CADM1: variants seen among roughly 807,000 people sequenced by gnomAD.
CADM1 encodes the protein TSLC-1.
A neutral mutation model predicts 53.1 loss-of-function variants in CADM1; 15 were observed. The observed-to-expected ratio is 0.28, with a 90% CI of 0.19 to 0.44. CADM1 has a LOEUF of 0.44. Among genes scored for constraint, CADM1 ranks in the 20% least tolerant of loss-of-function variants. The probability of loss-of-function intolerance (pLI) is 1.00; values close to 1 mark genes in which losing one functional copy is unlikely to be tolerated. For synonymous variants in CADM1, 281 were observed against 243.0 expected, an observed-to-expected ratio of 1.16 and a Z score of -1.45; for missense variants, 434 against 611.3, an observed-to-expected ratio of 0.71 and a Z score of 3.06.
intron 10 of CADM1, among the ~76,000 whole-genome samples, chr11:115,180,818 C>T (rs1318640303): frequency 6.6e-6 from 1 of 151,980 alleles, no homozygotes; most frequent in African/African-American, 2.4e-5. Flanking sequence ...GTTGTGTTTT[C>T]CTTAGGGAGC....
At chr11:115,421,334 T>C (rs1947750685) in intron 1 of CADM1, among the ~76,000 whole-genome samples, 2 of 152,220 alleles carry the variant, frequency 1.3e-5, no homozygotes, top group African/African-American at 4.8e-5. Flanking sequence ...AATGATTCTT[T>C]TGCTTACAAC....
At chr11:115,298,901 A>C (rs1944147615) in intron 1 of CADM1, among the ~76,000 whole-genome samples, 2 of 152,110 alleles carry the variant, frequency 1.3e-5, no homozygotes, top group Admixed American at 1.3e-4. Flanking sequence ...CCACCACTTG[A>C]AATCTCAATA....
At chr11:115,274,826 A>T (rs947752153) in intron 1 of CADM1, among the ~76,000 whole-genome samples, 1 of 152,136 alleles carries the variant, frequency 6.6e-6, no homozygotes, top group African/African-American at 2.4e-5. Flanking sequence ...AGAAGTTCAG[A>T]TCTTGTGTCT....
At chr11:115,203,560 A>G (rs1940538820) in intron 8 of CADM1, among the ~76,000 whole-genome samples, 1 of 152,188 alleles carries the variant, frequency 6.6e-6, no homozygotes, top group Non-Finnish European at 1.5e-5. Flanking sequence ...TAATTCTGGG[A>G]AACCTGTATT....
chr11:115,235,871 A>G (rs1941992474), intron 3 of CADM1, among the ~76,000 whole-genome samples: 1 of 152,214 alleles, frequency 6.6e-6, no homozygotes, highest in African/African-American at 2.4e-5. Context: ...CCTCTTATGA[A>G]TAGTAGTATA....
At chr11:115,206,758 C>CGTTTTTTTTTTTTTTTTTTTTTT (rs1940705764) in intron 8 of CADM1, among the ~76,000 whole-genome samples, 1 of 38,206 alleles carries the variant, frequency 2.6e-5, no homozygotes, top group South Asian at 1.7e-3. Context: ...CTGTGGACTT[C>CGTTTTTTTTTTTTTTTTTTTTTT]TTTTTTTTTT....
chr11:115,411,716 G>T (rs1450350715), intron 1 of CADM1, among the ~76,000 whole-genome samples: 11 of 151,698 alleles, frequency 7.3e-5, no homozygotes, highest in Admixed American at 6.6e-4. Flanking sequence ...GCCCAGGTTG[G>T]AGTGCAATGG....
At chr11:115,203,242 A>C (rs1940520730) in intron 8 of CADM1, among the ~76,000 whole-genome samples, 1 of 152,198 alleles carries the variant, frequency 6.6e-6, no homozygotes, top group South Asian at 2.1e-4. Context: ...TTCATTTGCA[A>C]ACCAGATGTT....
chr11:115,202,329 T>C (rs1008587191), intron 8 of CADM1, among the ~76,000 whole-genome samples: 10 of 152,210 alleles, frequency 6.6e-5, no homozygotes, highest in Admixed American at 2.0e-4. Flanking sequence ...TGTGACAGAC[T>C]GGGGGTTTAA....
At chr11:115,253,066 G>A (rs917552982) in intron 1 of CADM1, among the ~76,000 whole-genome samples, 3 of 152,128 alleles carry the variant, frequency 2.0e-5, no homozygotes, top group African/African-American at 7.2e-5. Context: ...CACTAACACT[G>A]ATGACCCCTG....
intron 1 of CADM1, among the ~76,000 whole-genome samples, chr11:115,365,438 T>G (rs538272534): frequency 6.6e-6 from 1 of 152,258 alleles, no homozygotes; most frequent in African/African-American, 2.4e-5. Context: ...CATGCCAATT[T>G]AGAGAGACAG....
chr11:115,464,013 A>T (rs889923202), intron 1 of CADM1, among the ~76,000 whole-genome samples: 1 of 152,208 alleles, frequency 6.6e-6, no homozygotes, highest in Non-Finnish European at 1.5e-5. Flanking sequence ...AGTCCCTGAG[A>T]TGAAACATCT....
chr11:115,264,478 G>GA (rs1333038072), intron 1 of CADM1, among the ~76,000 whole-genome samples: 1 of 152,152 alleles, frequency 6.6e-6, no homozygotes, highest in Non-Finnish European at 1.5e-5. Context: ...AGCAACCAAG[G>GA]ACAGGTGTAC....
rs1482625785 is a variant in CADM1, at chr11:115,172,243, G to C, written c.*4231C>G. Reference sequence around the variant, plus strand: ...CTATCTCTCTGGGTCTTTTTATAGAGATGCAATGAATGAGTACTCCCTACT... The same window carrying C: ...CTATCTCTCTGGGTCTTTTTATAGACATGCAATGAATGAGTACTCCCTACT... On this transcript the variant is annotated 3_prime_UTR_variant, in exon 12 of 12. Coordinates refer to ENST00000331581, the MANE Select transcript of CADM1 (RefSeq NM_001301043.2). 4 of 152,254 alleles carry C rather than the reference G, an allele frequency of 2.6e-5. No homozygotes were observed. Among genetic ancestry groups the C allele is most frequent in the Non-Finnish European group, 5.9e-5 (4 of 68,068 alleles). The allele number at this position is 152,254 out of a possible 1,614,324, so 9.4% of individuals were successfully genotyped here. A position where few individuals can be genotyped will look rare whatever the true frequency, so the allele number is the denominator to read the frequency against.
At chr11:115,427,130 T>C (rs537654830) in intron 1 of CADM1, among the ~76,000 whole-genome samples, 51 of 152,312 alleles carry the variant, frequency 3.3e-4, no homozygotes, top group African/African-American at 1.1e-3. Context: ...AAATTTACAA[T>C]GTGCACCCTC....
chr11:115,242,034 C>G lies in CADM1; in HGVS notation c.125-1614G>C, dbSNP rs11215442. ...TGTGAGAGGGGTGGCTAAGATGGCTCTAAGCCAAATCCACCTAGAAATAGA... is the reference window on the plus strand; with the variant it reads ...TGTGAGAGGGGTGGCTAAGATGGCTGTAAGCCAAATCCACCTAGAAATAGA... On this transcript the variant is annotated intron_variant, in intron 1 of 11. Coordinates refer to ENST00000331581, the MANE Select transcript of CADM1 (RefSeq NM_001301043.2). Among the ~76,000 whole-genome samples the G allele has an allele frequency of 9.4e-5, 14 of 148,320 alleles. No homozygotes were observed. The East Asian group carries it at 2.8e-3, about 29-fold the overall frequency.
At chr11:115,195,371 ATTT>A (rs1940095122) in intron 9 of CADM1, among the ~76,000 whole-genome samples, 1 of 152,232 alleles carries the variant, frequency 6.6e-6, no homozygotes, top group African/African-American at 2.4e-5. Flanking sequence ...TGAATAAAAT[ATTT>A]TAATGAGTCT....
chr11:115,247,510 C>T (rs777760724), intron 1 of CADM1, among the ~76,000 whole-genome samples: 2 of 152,198 alleles, frequency 1.3e-5, no homozygotes, highest in Non-Finnish European at 2.9e-5. Context: ...CAGGGAATCA[C>T]ATCTAGTTCA....
At position 115,172,324 on chromosome 11, in the gene CADM1, C is replaced by T. The variant is rs1472191072; in HGVS notation, c.*4150G>A. The T allele has an allele frequency of 6.6e-6, 1 of 152,286 alleles. No homozygotes were observed. The highest frequency in any genetic ancestry group is 1.5e-5 in the Non-Finnish European group (1 of 68,094). The allele number at this position is 152,286 out of a possible 1,614,324, so 9.4% of individuals were successfully genotyped here. On this transcript the variant is annotated 3_prime_UTR_variant, in exon 12 of 12. Coordinates refer to ENST00000331581, the MANE Select transcript of CADM1 (RefSeq NM_001301043.2). ...GGTCACTGAAGTATCGAGTCCTCTG[C>T]CCGGACTTTTCAGTACAGCCACAAG...
Sources: gnomAD v4.1 joint callset for allele counts (sites outside exome capture counted in the v4.1 genomes callset) on GRCh38, gnomAD v4.1.1 for gene constraint, MANE v1.5 for transcripts, NCBI Gene and HGNC (gene_info 2026-07-23, HGNC 2026-07-21) for gene names.